The following DNER variants were observed in gnomAD, a reference collection of about 807,000 sequenced individuals.
DNER encodes delta and Notch-like epidermal growth factor-related receptor.
A neutral mutation model predicts 78.2 loss-of-function variants in DNER; 33 were observed. The ratio of observed to expected loss-of-function variants is 0.42; its 90% CI spans 0.32 to 0.56. The LOEUF (loss-of-function observed/expected upper bound fraction) is 0.56. Ranked by LOEUF, DNER falls within the 20% of genes least tolerant of loss-of-function variation. The pLI, the probability that DNER is intolerant of heterozygous loss-of-function variation, is 0.11. For synonymous variants in DNER, 417 were observed against 384.8 expected (o/e 1.08, Z -0.98); for missense variants, 918 against 975.3 (o/e 0.94, Z 0.78).
chr2:229,583,065 T>G (rs1268658968), intron 4 of DNER, among the ~76,000 whole-genome samples: 1 of 152,224 alleles, frequency 6.6e-6, no homozygotes, highest in Non-Finnish European at 1.5e-5. Context: ...CAAGATTTCT[T>G]CTATCCCAAA....
intron 4 of DNER, among the ~76,000 whole-genome samples, chr2:229,555,890 T>C (rs1041848059): frequency 1.1e-4 from 17 of 152,206 alleles, no homozygotes; most frequent in Admixed American, 9.8e-4. Context: ...GTAACACTTT[T>C]ACGCATAAAA....
At chr2:229,528,875 T>C (rs1559158088) in intron 5 of DNER, among the ~76,000 whole-genome samples, 1 of 152,210 alleles carries the variant, frequency 6.6e-6, no homozygotes, top group South Asian at 2.1e-4. Context: ...TCTGTTCCCA[T>C]TGGATAATTC....
chr2:229,481,947 T>C (rs1338595184), intron 6 of DNER, among the ~76,000 whole-genome samples: 5 of 152,140 alleles, frequency 3.3e-5, no homozygotes, highest in Admixed American at 2.0e-4. Flanking sequence ...AGCTCCCAAG[T>C]GGAAGGTGGG....
chr2:229,402,203 T>A (rs1411785900), intron 10 of DNER, among the ~76,000 whole-genome samples: 1 of 152,114 alleles, frequency 6.6e-6, no homozygotes, highest in Non-Finnish European at 1.5e-5. Context: ...CCCCAAAAGA[T>A]ACCATTAAAA....
chr2:229,546,091 A>G (rs1696621278), intron 5 of DNER, among the ~76,000 whole-genome samples: 3 of 152,238 alleles, frequency 2.0e-5, no homozygotes, highest in Admixed American at 1.3e-4. Flanking sequence ...ATGCATTACA[A>G]TTACTTTGAA....
intron 1 of DNER, among the ~76,000 whole-genome samples, chr2:229,675,286 T>A (rs1682807595): frequency 6.6e-6 from 1 of 152,184 alleles, no homozygotes; most frequent in Non-Finnish European, 1.5e-5. Context: ...GCCGATGATG[T>A]CAGGATGAAC....
At chr2:229,593,851 A>C (rs1307377947) in intron 1 of DNER, among the ~76,000 whole-genome samples, 1 of 152,270 alleles carries the variant, frequency 6.6e-6, no homozygotes, top group African/African-American at 2.4e-5. Context: ...TGATCTAGTC[A>C]CAAATAAGAA....
At chr2:229,643,734 T>C (rs926865183) in intron 1 of DNER, among the ~76,000 whole-genome samples, 6 of 152,246 alleles carry the variant, frequency 3.9e-5, no homozygotes, top group Non-Finnish European at 8.8e-5. Flanking sequence ...CAGTAAATGT[T>C]GACTTATGTT....
intron 1 of DNER, among the ~76,000 whole-genome samples, chr2:229,626,059 A>G (rs185996671): frequency 6.6e-6 from 1 of 152,088 alleles, no homozygotes; most frequent in African/African-American, 2.4e-5. Flanking sequence ...AGCTGGGATT[A>G]CAGGCACCCA....
intron 1 of DNER, among the ~76,000 whole-genome samples, chr2:229,637,610 C>T (rs1574938495): frequency 1.3e-5 from 2 of 152,284 alleles, no homozygotes; most frequent in African/African-American, 2.4e-5. Context: ...TGTAATGGTG[C>T]TCTAGCGTGT....
At chr2:229,371,853 T>C (rs952979425) in intron 11 of DNER, among the ~76,000 whole-genome samples, 2 of 152,246 alleles carry the variant, frequency 1.3e-5, no homozygotes, top group Admixed American at 1.3e-4. Flanking sequence ...AAAATACCTA[T>C]GTTATTTTTA....
chr2:229,529,363 C>A (rs1413086742), intron 5 of DNER, among the ~76,000 whole-genome samples: 1 of 152,210 alleles, frequency 6.6e-6, no homozygotes, highest in Non-Finnish European at 1.5e-5. Flanking sequence ...TCTCCTCCAA[C>A]TCCAAGTGAA....
intron 4 of DNER, among the ~76,000 whole-genome samples, chr2:229,560,163 A>T (rs1041313952): frequency 3.3e-5 from 5 of 152,218 alleles, no homozygotes; most frequent in African/African-American, 4.8e-5. Flanking sequence ...AGAGTCTTAA[A>T]TGGACTTTGT....
At chr2:229,538,360 G>C (rs1696451258) in intron 5 of DNER, among the ~76,000 whole-genome samples, 1 of 152,054 alleles carries the variant, frequency 6.6e-6, no homozygotes, top group African/African-American at 2.4e-5. Context: ...TCATCTCTTA[G>C]AAAAATGTAT....
intron 1 of DNER, among the ~76,000 whole-genome samples, chr2:229,618,741 C>T (rs1559184706): frequency 2.0e-5 from 3 of 152,088 alleles, no homozygotes; most frequent in Non-Finnish European, 4.4e-5. Flanking sequence ...TTAGGTATGC[C>T]AATTCAGTAA....
intron 5 of DNER, 99 bp from the exon 6 acceptor site, chr2:229,513,035 T>C: frequency 2.3e-6 from 3 of 1,302,822 alleles, no homozygotes; most frequent in Non-Finnish European, 3.1e-6. Context: ...TTCCTTTTTA[T>C]AATCAGCAAT....
intron 1 of DNER, among the ~76,000 whole-genome samples, chr2:229,661,030 C>A (rs1699001787): frequency 6.6e-6 from 1 of 152,104 alleles, no homozygotes; most frequent in Non-Finnish European, 1.5e-5. Context: ...TTCTTCATGC[C>A]CCAACCTCTT....
intron 7 of DNER, among the ~76,000 whole-genome samples, chr2:229,467,964 G>A (rs1694838136): frequency 6.6e-6 from 1 of 152,196 alleles, no homozygotes; most frequent in African/African-American, 2.4e-5. Flanking sequence ...CATTTGGGGG[G>A]TTCACATGGC....
chr2:229,400,680 C>G (rs1693247619), intron 10 of DNER, among the ~76,000 whole-genome samples: 1 of 151,928 alleles, frequency 6.6e-6, no homozygotes, highest in African/African-American at 2.4e-5. Context: ...TCCATGAACC[C>G]ATAAATAAAT....
Sources: allele counts gnomAD v4.1 joint callset (sites outside exome capture counted in the v4.1 genomes callset), GRCh38; gene constraint gnomAD v4.1.1; transcripts MANE v1.5; gene names NCBI Gene and HGNC (gene_info 2026-07-23, HGNC 2026-07-21).